The following ATRNL1 variants were observed in gnomAD, a reference collection of about 807,000 sequenced individuals.
ATRNL1 encodes attractin like 1.
In ATRNL1, 95 loss-of-function variants were observed where a neutral mutation model predicts 182.7. That is an observed-to-expected ratio of 0.52 (90% CI 0.44 to 0.62). The LOEUF (loss-of-function observed/expected upper bound fraction) is 0.62. ATRNL1 is among the 20% of genes least tolerant of loss of function. ATRNL1 has a pLI of 0.00. For missense variants in ATRNL1, 1,471 were observed against 1,679.5 expected (o/e 0.88, Z 2.17); for synonymous variants, 576 against 568.3 (o/e 1.01, Z -0.19).
At chr10:115,675,882 G>T (rs1023943480) in intron 26 of ATRNL1, among the ~76,000 whole-genome samples, 1 of 151,992 alleles carries the variant, frequency 6.6e-6, no homozygotes, top group Non-Finnish European at 1.5e-5. Flanking sequence ...AGCTCAAAAA[G>T]CTAGTGAGCT....
At chr10:115,877,986 C>G (rs1421364828) in intron 28 of ATRNL1, among the ~76,000 whole-genome samples, 7 of 152,152 alleles carry the variant, frequency 4.6e-5, no homozygotes, top group Non-Finnish European at 8.8e-5. Context: ...CAGTATCCTT[C>G]CCTCTTAAGA....
At chr10:115,553,937 A>G (rs1239893722) in intron 26 of ATRNL1, among the ~76,000 whole-genome samples, 1 of 151,506 alleles carries the variant, frequency 6.6e-6, no homozygotes, top group Non-Finnish European at 1.5e-5. Context: ...TTCTCCTTAG[A>G]CACTAAATAT....
At chr10:115,776,593 G>A (rs782437756) in intron 27 of ATRNL1, among the ~76,000 whole-genome samples, 9 of 144,360 alleles carry the variant, frequency 6.2e-5, no homozygotes, top group South Asian at 4.2e-4. Context: ...CCTGTCTCTC[G>A]TAATATTCAT....
chr10:115,784,064 G>A (rs1053129620), intron 27 of ATRNL1, among the ~76,000 whole-genome samples: 8 of 152,160 alleles, frequency 5.3e-5, no homozygotes, highest in Non-Finnish European at 1.0e-4. Context: ...CTGTGTTGAA[G>A]ACCTAGCTTT....
At chr10:115,858,321 T>C (rs1419475430) in intron 28 of ATRNL1, among the ~76,000 whole-genome samples, 3 of 151,878 alleles carry the variant, frequency 2.0e-5, no homozygotes, top group East Asian at 3.9e-4. Flanking sequence ...ATAAAGAAAA[T>C]GTGGTGGTAT....
At chr10:115,697,401 C>T (rs782641936) in intron 26 of ATRNL1, among the ~76,000 whole-genome samples, 1 of 152,128 alleles carries the variant, frequency 6.6e-6, no homozygotes, top group Non-Finnish European at 1.5e-5. Flanking sequence ...TTATGGCTCA[C>T]TGCAGCCTCC....
chr10:115,093,556 C>A lies in ATRNL1; in HGVS notation c.-195C>A. On this transcript the variant is annotated 5_prime_UTR_variant, in exon 1 of 29. The change creates a premature stop within an existing upstream ORF in the 5' untranslated region. Coordinates refer to ENST00000355044, the MANE Select transcript of ATRNL1 (RefSeq NM_207303.4). This position sits in a 1 kb window ranked among gnomAD's most constrained non-coding sequence, Gnocchi z 6.1. ...GAGACTGGGTGGCGATGCCCGAGTG[C>A]GACTGGAGGCAGCCGAGCGGAGGCG... is the stretch of plus-strand genomic sequence containing the variant. 4.3e-6 allele frequency: 3 copies of A among 702,372 alleles called. No individual in the cohort carries two copies. Among genetic ancestry groups the A allele is most frequent in the Non-Finnish European group, 5.1e-6 (2 of 393,862 alleles). The allele number at this position is 702,372 out of a possible 1,614,324, so 43.5% of individuals were successfully genotyped here. A position where few individuals can be genotyped will look rare whatever the true frequency, so the allele number is the denominator to read the frequency against.
At chr10:115,835,599 A>G (rs1565422119) in intron 27 of ATRNL1, among the ~76,000 whole-genome samples, 1 of 152,204 alleles carries the variant, frequency 6.6e-6, no homozygotes, top group South Asian at 2.1e-4. Flanking sequence ...AACCTTATCT[A>G]TACCACAACA....
At chr10:115,587,075 G>C (rs1422859196) in intron 26 of ATRNL1, among the ~76,000 whole-genome samples, 9 of 149,448 alleles carry the variant, frequency 6.0e-5, no homozygotes, top group African/African-American at 2.2e-4. Context: ...CGGGGGTCAG[G>C]GGTCAGGGAT....
intron 19 of ATRNL1, among the ~76,000 whole-genome samples, chr10:115,343,236 C>A (rs1855830184): frequency 6.6e-6 from 1 of 152,036 alleles, no homozygotes; most frequent in Non-Finnish European, 1.5e-5. Context: ...TCACTTCTTC[C>A]TTTTTAAGAC....
At chr10:115,551,410 CAAAT>C (rs1422767369) in intron 26 of ATRNL1, among the ~76,000 whole-genome samples, 1 of 151,250 alleles carries the variant, frequency 6.6e-6, no homozygotes, top group Non-Finnish European at 1.5e-5. Flanking sequence ...GGATAAAAGA[CAAAT>C]AGTAGAGGGG....
chr10:115,100,581 T>G (rs1279604100), intron 1 of ATRNL1, among the ~76,000 whole-genome samples: 5 of 152,210 alleles, frequency 3.3e-5, no homozygotes, highest in African/African-American at 9.6e-5. Context: ...TTTCTATTTC[T>G]GGACTCTGCT....
chr10:115,863,110 A>G (rs1174397967), intron 28 of ATRNL1, among the ~76,000 whole-genome samples: 5 of 152,190 alleles, frequency 3.3e-5, no homozygotes, highest in Admixed American at 3.3e-4. Context: ...AAATGGAGCA[A>G]TGAGAGGGGG....
At chr10:115,931,873 T>C (rs1351467521) in intron 28 of ATRNL1, among the ~76,000 whole-genome samples, 6 of 152,120 alleles carry the variant, frequency 3.9e-5, no homozygotes, top group Non-Finnish European at 8.8e-5. Flanking sequence ...TCGGCAGGGA[T>C]TGTGGAACCG....
intron 28 of ATRNL1, among the ~76,000 whole-genome samples, chr10:115,940,042 C>A (rs1953679916): frequency 6.6e-6 from 1 of 152,124 alleles, no homozygotes; most frequent in African/African-American, 2.4e-5. Flanking sequence ...TAAGCAAAAG[C>A]TATGTATTCT....
At chr10:115,880,678 A>T (rs1555108360) in intron 28 of ATRNL1, among the ~76,000 whole-genome samples, 1 of 152,178 alleles carries the variant, frequency 6.6e-6, no homozygotes, top group African/African-American at 2.4e-5. Flanking sequence ...AAGGGCCTGG[A>T]AGAATTTGAT....
intron 27 of ATRNL1, among the ~76,000 whole-genome samples, chr10:115,735,893 G>A (rs1555065392): frequency 6.6e-6 from 1 of 152,152 alleles, no homozygotes; most frequent in Non-Finnish European, 1.5e-5. Flanking sequence ...ATGCATAAGG[G>A]AAGACTACTG....
intron 26 of ATRNL1, among the ~76,000 whole-genome samples, chr10:115,584,097 A>T: frequency 6.6e-6 from 1 of 151,596 alleles, no homozygotes; most frequent in Non-Finnish European, 1.5e-5. Flanking sequence ...CCCAGGTATG[A>T]AGCCCACTCG....
At chr10:115,305,808 T>A (rs1226643941) in intron 17 of ATRNL1, among the ~76,000 whole-genome samples, 3 of 152,122 alleles carry the variant, frequency 2.0e-5, no homozygotes, top group African/African-American at 7.2e-5. Context: ...TTCTCAAAAA[T>A]GTCAGCTAGA....
Sources: gnomAD v4.1 joint callset for allele counts (sites outside exome capture counted in the v4.1 genomes callset) on GRCh38, gnomAD v4.1.1 for gene constraint, Gnocchi (gnomAD v3.1) non-coding constraint, MANE v1.5 for transcripts, NCBI Gene and HGNC (gene_info 2026-07-23, HGNC 2026-07-21) for gene names.